GRM1: variants seen among roughly 807,000 people sequenced by gnomAD.
The protein encoded by GRM1 is glutamate metabotropic receptor 1, also known as metabotropic glutamate receptor 1.
Under a neutral mutation model 90.9 loss-of-function variants are expected in GRM1, and 33 were observed. The ratio of observed to expected loss-of-function variants is 0.36; its 90% confidence interval spans 0.28 to 0.49. The LOEUF (loss-of-function observed/expected upper bound fraction) is 0.49, where lower values mean the gene tolerates loss of function less well. Ranked by LOEUF, GRM1 falls within the 20% of genes least tolerant of loss-of-function variation. The pLI is 0.99. For synonymous variants in GRM1, 700 were observed against 613.2 expected, an observed-to-expected ratio of 1.14 and a Z score of -2.09; for missense variants, 1,190 against 1,534.3, an observed-to-expected ratio of 0.78 and a Z score of 3.75.
intron 2 of GRM1, among the ~76,000 whole-genome samples, chr6:146,256,573 A>T (rs1441096824): frequency 6.6e-6 from 1 of 152,112 alleles, no homozygotes; most frequent in South Asian, 2.1e-4. Flanking sequence ...TATATTAGGA[A>T]GTTGATTGTG....
chr6:146,333,794 C>T (rs1314845964), intron 3 of GRM1, among the ~76,000 whole-genome samples: 1 of 151,942 alleles, frequency 6.6e-6, no homozygotes, highest in Non-Finnish European at 1.5e-5. Flanking sequence ...GATGAAAAAC[C>T]TGGACCTAGA....
At position 146,347,712 on chromosome 6, in the gene GRM1, G is replaced by A. The variant is rs572116507; in HGVS notation, c.1187-4538G>A. On this transcript the variant is annotated intron_variant, in intron 3 of 7. Coordinates refer to ENST00000282753, the MANE Select transcript of GRM1 (RefSeq NM_001278064.2). ...AGAAATGCTCCATACCATGACCTGG[G>A]CAGCAGTTACATGAATGTGTACATA... Among the ~76,000 whole-genome samples, 10 of 152,262 alleles carry A rather than the reference G, an allele frequency of 6.6e-5. No homozygotes were observed. In the East Asian group the frequency reaches 1.9e-3, roughly 29 times the overall value.
intron 1 of GRM1, among the ~76,000 whole-genome samples, chr6:146,090,958 T>C (rs1442031330): frequency 6.6e-6 from 1 of 151,430 alleles, no homozygotes; most frequent in Admixed American, 6.6e-5. Context: ...CATACAGGAG[T>C]CCAAACAGAT....
intron 7 of GRM1, among the ~76,000 whole-genome samples, chr6:146,403,830 T>C (rs560190224): frequency 1.3e-5 from 2 of 152,158 alleles, no homozygotes; most frequent in Non-Finnish European, 2.9e-5. Flanking sequence ...TTATTTTTAA[T>C]TGACACATAA....
chr6:146,378,174 C>T (rs1051774072), intron 5 of GRM1, among the ~76,000 whole-genome samples: 2 of 152,182 alleles, frequency 1.3e-5, no homozygotes, highest in Non-Finnish European at 2.9e-5. Flanking sequence ...CATGGAGAAC[C>T]TCTGCTAGGG....
chr6:146,101,832 A>G (rs1196924461), intron 1 of GRM1, among the ~76,000 whole-genome samples: 1 of 148,696 alleles, frequency 6.7e-6, no homozygotes, highest in Non-Finnish European at 1.5e-5. Context: ...TTATTACTGT[A>G]ATATATAATT....
intron 5 of GRM1, among the ~76,000 whole-genome samples, chr6:146,377,457 A>T (rs1434135110): frequency 1.3e-5 from 2 of 152,166 alleles, no homozygotes; most frequent in African/African-American, 4.8e-5. Flanking sequence ...TGGTGGCGTT[A>T]TGTCCTTGCC....
intron 1 of GRM1, among the ~76,000 whole-genome samples, chr6:146,145,648 C>A (rs1282228943): frequency 6.6e-6 from 1 of 152,136 alleles, no homozygotes; most frequent in Non-Finnish European, 1.5e-5. Context: ...TACAGGATGT[C>A]ATGGAAAGGC....
At chr6:146,227,480 A>G (rs1223046595) in intron 2 of GRM1, among the ~76,000 whole-genome samples, 1 of 152,226 alleles carries the variant, frequency 6.6e-6, no homozygotes, top group Admixed American at 6.5e-5. Context: ...GTTGCATAGC[A>G]ATATTTTAAA....
intron 2 of GRM1, among the ~76,000 whole-genome samples, chr6:146,239,641 T>C: frequency 6.6e-6 from 1 of 152,168 alleles, no homozygotes; most frequent in East Asian, 1.9e-4. Context: ...AACTGTTCAA[T>C]TTAAAAATCT....
At chr6:146,397,654 T>G (rs146001264) in intron 6 of GRM1, among the ~76,000 whole-genome samples, 3 of 152,116 alleles carry the variant, frequency 2.0e-5, no homozygotes, top group African/African-American at 7.2e-5. Flanking sequence ...TTCTGAGAGC[T>G]GGTTGACATC....
intron 1 of GRM1, among the ~76,000 whole-genome samples, chr6:146,109,157 C>G (rs1417408447): frequency 1.3e-5 from 2 of 152,164 alleles, no homozygotes; most frequent in Non-Finnish European, 2.9e-5. Flanking sequence ...CAAATGTTAA[C>G]CCCCAAGACA....
intron 2 of GRM1, among the ~76,000 whole-genome samples, chr6:146,203,261 T>C (rs1162824532): frequency 6.6e-6 from 1 of 151,020 alleles, no homozygotes; most frequent in African/African-American, 2.4e-5. Context: ...ATGTTAGTGG[T>C]TTAATGCAGA....
At chr6:146,028,447 A>C (rs1562411922), upstream of GRM1, among the ~76,000 whole-genome samples, 1 of 151,794 alleles carries the variant, frequency 6.6e-6, no homozygotes, top group Non-Finnish European at 1.5e-5. Context: ...GGCGAGAGCA[A>C]CCCGGAAGCT....
At chr6:146,088,884 A>T (rs1776629312) in intron 1 of GRM1, among the ~76,000 whole-genome samples, 2 of 152,118 alleles carry the variant, frequency 1.3e-5, no homozygotes, top group Admixed American at 1.3e-4. Context: ...GTAATACTTT[A>T]TAGTAATCAA....
intron 2 of GRM1, among the ~76,000 whole-genome samples, chr6:146,178,729 T>A (rs1778427265): frequency 6.6e-6 from 1 of 152,210 alleles, no homozygotes; most frequent in Non-Finnish European, 1.5e-5. Flanking sequence ...ATCTAATTTT[T>A]ATGTATTTTT....
intron 7 of GRM1, among the ~76,000 whole-genome samples, chr6:146,429,732 T>C (rs151116278): frequency 6.6e-6 from 1 of 152,344 alleles, no homozygotes; most frequent in Non-Finnish European, 1.5e-5. Context: ...ATCTTTTTTC[T>C]TGGTGAGCCA....
chr6:146,049,242 A>C (rs1317537710), intron 1 of GRM1, among the ~76,000 whole-genome samples: 1 of 152,012 alleles, frequency 6.6e-6, no homozygotes, highest in Non-Finnish European at 1.5e-5. Context: ...GGACACCCGG[A>C]TAGCTGGTAA....
rs1414663772 is a variant in GRM1, at chr6:146,042,553, G to C, written c.700+12336G>C. On this transcript the variant is annotated intron_variant, in intron 1 of 7. Transcript: ENST00000282753. ...CCTTTTCTCTGCGTGGTGATGTAGT[G>C]AAGTTCGGGAAAGAGGAGAAAAGAG... is the stretch of plus-strand genomic sequence containing the variant. Among the ~76,000 whole-genome samples the C allele has an allele frequency of 2.6e-5, 4 of 152,090 alleles. No individual in the cohort carries two copies. In the East Asian group the frequency reaches 7.8e-4, roughly 30 times the overall value.
Sources: gnomAD v4.1 joint callset for allele counts (sites outside exome capture counted in the v4.1 genomes callset) on GRCh38, gnomAD v4.1.1 for gene constraint, MANE v1.5 for transcripts, NCBI Gene and HGNC (gene_info 2026-07-23, HGNC 2026-07-21) for gene names.